Variants in SYN2 observed in about 807,000 individuals in gnomAD.
SYN2 encodes the protein synapsin II.
In SYN2, 19 loss-of-function variants were observed where a neutral mutation model predicts 50.9. The observed-to-expected ratio is 0.37, with a 90% CI of 0.26 to 0.55. The LOEUF is 0.55. Ranked by LOEUF, SYN2 falls within the 20% of genes least tolerant of loss-of-function variation. SYN2 has a pLI of 0.81. For synonymous variants in SYN2, 255 were observed against 224.9 expected, an observed-to-expected ratio of 1.13 and a Z score of -1.20; for missense variants, 587 against 576.4, an observed-to-expected ratio of 1.02 and a Z score of -0.19.
chr3:12,055,959 G>A (rs1201156771), intron 1 of SYN2, among the ~76,000 whole-genome samples: 2 of 152,176 alleles, frequency 1.3e-5, no homozygotes, highest in African/African-American at 2.4e-5. Context: ...TCAAGCCTCT[G>A]CGTCCAGCTG....
At chr3:12,013,277 C>G (rs575361988) in intron 1 of SYN2, among the ~76,000 whole-genome samples, 2 of 152,154 alleles carry the variant, frequency 1.3e-5, no homozygotes, top group East Asian at 1.9e-4. Flanking sequence ...CCTCTTTGTT[C>G]TCTTCATACT....
At chr3:12,046,208 T>C (rs1010070978) in intron 1 of SYN2, among the ~76,000 whole-genome samples, 1 of 152,108 alleles carries the variant, frequency 6.6e-6, no homozygotes, top group Non-Finnish European at 1.5e-5. Flanking sequence ...TCTGGTAAAT[T>C]GGGTGGGTGA....
At chr3:12,175,096 T>A (rs1698034058) in intron 10 of SYN2, among the ~76,000 whole-genome samples, 1 of 152,096 alleles carries the variant, frequency 6.6e-6, no homozygotes, top group African/African-American at 2.4e-5. Context: ...CTATAGAAAA[T>A]TTTTAAAATA....
At chr3:12,066,859 G>C (rs1016528407) in intron 1 of SYN2, among the ~76,000 whole-genome samples, 2 of 152,104 alleles carry the variant, frequency 1.3e-5, no homozygotes, top group Non-Finnish European at 2.9e-5. Flanking sequence ...GCCTCAGGAA[G>C]CTTACAATGA....
At chr3:12,096,121 T>G (rs1695927655) in intron 1 of SYN2, among the ~76,000 whole-genome samples, 2 of 152,188 alleles carry the variant, frequency 1.3e-5, no homozygotes, top group Non-Finnish European at 2.9e-5. Flanking sequence ...GTCAAATCTG[T>G]TATACCTTTA....
intron 10 of SYN2, 127 bp downstream of exon 10, chr3:12,170,033 A>G: frequency 1.7e-6 from 2 of 1,202,352 alleles, no homozygotes; most frequent in Non-Finnish European, 2.2e-6. Flanking sequence ...CTAAGGAGAC[A>G]TCTCCCTCTT....
intron 1 of SYN2, among the ~76,000 whole-genome samples, chr3:12,133,522 C>T (rs558132331): frequency 1.3e-5 from 2 of 152,218 alleles, no homozygotes; most frequent in Non-Finnish European, 2.9e-5. Flanking sequence ...TGTCATTTCC[C>T]AGCTAGCTAC....
chr3:12,138,088 A>G (rs1269423460), intron 1 of SYN2, among the ~76,000 whole-genome samples: 1 of 152,176 alleles, frequency 6.6e-6, no homozygotes. Flanking sequence ...AAAGACTTCT[A>G]TCATTTGCTA....
At chr3:12,083,048 G>C (rs1010711152) in intron 1 of SYN2, among the ~76,000 whole-genome samples, 4 of 152,054 alleles carry the variant, frequency 2.6e-5, no homozygotes, top group Non-Finnish European at 4.4e-5. Context: ...GTCTCACTCT[G>C]TTGCCCAGAC....
chr3:12,062,458 A>G (rs1315094703), intron 1 of SYN2, among the ~76,000 whole-genome samples: 1 of 152,050 alleles, frequency 6.6e-6, no homozygotes, highest in African/African-American at 2.4e-5. Context: ...GAGTTTTTAG[A>G]TACAGCACCA....
chr3:12,126,476 T>G (rs1334037412), intron 1 of SYN2, among the ~76,000 whole-genome samples: 3 of 152,236 alleles, frequency 2.0e-5, no homozygotes, highest in Admixed American at 6.5e-5. Context: ...ATTTCTACAC[T>G]GTCAGACCCT....
chr3:12,028,307 G>A (rs1694309209), intron 1 of SYN2, among the ~76,000 whole-genome samples: 1 of 151,506 alleles, frequency 6.6e-6, no homozygotes, highest in African/African-American at 2.4e-5. Flanking sequence ...CCAAGTCTTT[G>A]CTATTGTGAA....
At chr3:12,057,271 G>A (rs985106475) in intron 1 of SYN2, among the ~76,000 whole-genome samples, 6 of 145,598 alleles carry the variant, frequency 4.1e-5, no homozygotes, top group South Asian at 2.3e-4. Context: ...CAACCTGGGC[G>A]ACAAGGCAAG....
intron 1 of SYN2, among the ~76,000 whole-genome samples, chr3:12,090,722 T>G (rs1055646261): frequency 9.9e-5 from 15 of 152,190 alleles, no homozygotes; most frequent in Admixed American, 5.9e-4. Flanking sequence ...CTACTTCCTA[T>G]TGTTCCTTGG....
At chr3:12,181,350 A>T (rs1215173967) in intron 10 of SYN2, among the ~76,000 whole-genome samples, 1 of 152,180 alleles carries the variant, frequency 6.6e-6, no homozygotes, top group Non-Finnish European at 1.5e-5. Flanking sequence ...ACAAACTGGG[A>T]CTTTTTCTGT....
In SYN2 at chr3:12,151,325, T is replaced by C. The variant is rs747524035; in HGVS notation, c.773T>C (p.Met258Thr). The change falls in exon 5 of 13, where the codon ATG (methionine) becomes ACG (threonine). Residue 258 changes from methionine (M) to threonine (T), a missense_variant and splice_region_variant. Coordinates refer to ENST00000621198, the MANE Select transcript of SYN2 (RefSeq NM_133625.6). ...ACATACTACCCCAACCACAAAGAGA[T>C]GGTAAGTGGCTCAGTGGGGACATTA... ...EQTYYPNHKE[M>T]LTLPTFPVVV... 1 of 1,611,792 alleles carries C rather than the reference T, an allele frequency of 6.2e-7. No individual in the cohort carries two copies. Among genetic ancestry groups the C allele is most frequent in the Non-Finnish European group, 8.5e-7 (1 of 1,178,560 alleles).
At chr3:12,046,818 G>C (rs1450020458) in intron 1 of SYN2, among the ~76,000 whole-genome samples, 1 of 152,146 alleles carries the variant, frequency 6.6e-6, no homozygotes, top group African/African-American at 2.4e-5. Context: ...TGACGACTAG[G>C]TTTCTGACTG....
At chr3:12,067,485 A>G (rs1403955789) in intron 1 of SYN2, among the ~76,000 whole-genome samples, 1 of 152,198 alleles carries the variant, frequency 6.6e-6, no homozygotes, top group Non-Finnish European at 1.5e-5. Flanking sequence ...ACATCAATTC[A>G]TAAATAAGAG....
chr3:12,190,663 AG>A lies in SYN2; in HGVS notation c.*40del, dbSNP rs761159821. 1.2e-6 allele frequency: 2 copies of A among 1,603,280 alleles called. No homozygotes were observed. The highest frequency in any genetic ancestry group is 2.2e-5 in the South Asian group (2 of 90,038). On this transcript the variant is annotated 3_prime_UTR_variant, in exon 13 of 13. Coordinates refer to ENST00000621198, the MANE Select transcript of SYN2 (RefSeq NM_133625.6). Reference sequence around the variant, plus strand: ...ACGGGGCACCCAGCCCAACCGGGAAAGGCATCTAAGACATTCACCAACAACA... The same window carrying A: ...ACGGGGCACCCAGCCCAACCGGGAAAGCATCTAAGACATTCACCAACAACA...
Sources: allele counts gnomAD v4.1 joint callset (sites outside exome capture counted in the v4.1 genomes callset), GRCh38; gene constraint gnomAD v4.1.1; transcripts MANE v1.5; gene names NCBI Gene and HGNC (gene_info 2026-07-23, HGNC 2026-07-21).